ACYP2: variants seen among roughly 807,000 people sequenced by gnomAD.
The protein encoded by ACYP2 is acylphosphatase 2.
A neutral mutation model predicts 11.2 loss-of-function variants in ACYP2; 12 were observed. The ratio of observed to expected loss-of-function variants is 1.08; its 90% CI spans 0.69 to 1.74. ACYP2 has a LOEUF of 1.74. Among genes scored for constraint, ACYP2 ranks in the 40% most tolerant of loss-of-function variants. The pLI, the probability that ACYP2 is intolerant of heterozygous loss-of-function variation, is 0.00. For missense variants in ACYP2, 134 were observed against 101.9 expected, an observed-to-expected ratio of 1.31 and a Z score of -1.35; for synonymous variants, 43 against 32.2, an observed-to-expected ratio of 1.33 and a Z score of -1.13.
At chr2:54,246,859 A>G (rs1159643523) in intron 6 of ACYP2, among the ~76,000 whole-genome samples, 2 of 152,184 alleles carry the variant, frequency 1.3e-5, no homozygotes, top group African/African-American at 4.8e-5. Flanking sequence ...TCAAGTTAAG[A>G]AGGTATCCAC....
At chr2:54,154,531 C>G (rs1406195558) in intron 6 of ACYP2, among the ~76,000 whole-genome samples, 2 of 152,150 alleles carry the variant, frequency 1.3e-5, no homozygotes, top group Non-Finnish European at 2.9e-5. Context: ...ATGTGGTGAT[C>G]ATATAGTATT....
At chr2:54,180,776 G>C (rs573215260) in intron 6 of ACYP2, among the ~76,000 whole-genome samples, 1 of 152,126 alleles carries the variant, frequency 6.6e-6, no homozygotes, top group East Asian at 1.9e-4. Context: ...GGTCTGTCTC[G>C]AACTCCTGAG....
chr2:54,195,920 C>T (rs190279713), intron 6 of ACYP2, among the ~76,000 whole-genome samples: 3 of 151,034 alleles, frequency 2.0e-5, no homozygotes, highest in Admixed American at 6.6e-5. Flanking sequence ...GCCTCAGCCT[C>T]CTGAGTAGCT....
At chr2:54,106,642 G>A (rs1161317477) in intron 4 of ACYP2, among the ~76,000 whole-genome samples, 1 of 152,174 alleles carries the variant, frequency 6.6e-6, no homozygotes, top group Non-Finnish European at 1.5e-5. Flanking sequence ...AGGCTACAAT[G>A]GCATGATCTC....
intron 4 of ACYP2, chr2:54,123,137 A>G (rs1482502383): frequency 5.2e-6 from 2 of 382,002 alleles, no homozygotes; most frequent in African/African-American, 2.1e-5. Flanking sequence ...GAGTCACTGC[A>G]TGTCCCTGTG....
Position 54,138,704 on chromosome 2 carries a change from C to T in ACYP2, c.360C>T (p.Thr120=), listed in dbSNP as rs201811417. 59 of 1,613,854 alleles carry T rather than the reference C, an allele frequency of 3.7e-5. No individual in the cohort carries two copies. Among genetic ancestry groups the T allele is most frequent in the South Asian group, 2.4e-4 (22 of 91,082 alleles). Reference sequence around the variant, plus strand: ...GGGTGAAGAATACCAGCAAAGGCACCGTGACAGGCCAAGTGCAGGGGCCAG... The same window carrying T: ...GGGTGAAGAATACCAGCAAAGGCACTGTGACAGGCCAAGTGCAGGGGCCAG... Residue 120 remains threonine (T), a synonymous_variant, in exon 6 of 7, where the codon ACC becomes ACT. Transcript: ENST00000607452.
At chr2:54,089,393 C>T (rs1158809344) in intron 4 of ACYP2, among the ~76,000 whole-genome samples, 3 of 148,490 alleles carry the variant, frequency 2.0e-5, no homozygotes, top group African/African-American at 7.4e-5. Context: ...GCCAGAAGTT[C>T]AGATATATAT....
chr2:53,973,697 C>A lies in ACYP2; in HGVS notation c.-36-16C>A. The A allele has an allele frequency of 3.7e-6, 1 of 272,416 alleles. No individual in the cohort carries two copies. The allele number at this position is 272,416 out of a possible 1,614,324, so 16.9% of individuals were successfully genotyped here. ...CTAATGGTAATCCCAACACCCTTTG[C>A]TGACTCCTTTTTCAGACTCAGCCTG... On this transcript the variant is annotated splice_polypyrimidine_tract_variant and intron_variant, in intron 1 of 6. Transcript: ENST00000607452.
chr2:54,234,097 C>G (rs573563322), intron 6 of ACYP2, among the ~76,000 whole-genome samples: 5 of 152,082 alleles, frequency 3.3e-5, no homozygotes, highest in Non-Finnish European at 5.9e-5. Flanking sequence ...AATGATTTTC[C>G]CGTTGAAACT....
intron 2 of ACYP2, among the ~76,000 whole-genome samples, chr2:54,003,614 A>G (rs1474843375): frequency 6.6e-6 from 1 of 152,182 alleles, no homozygotes; most frequent in East Asian, 1.9e-4. Flanking sequence ...GATGTACCAC[A>G]GTTTATATAT....
chr2:54,023,857 C>A (rs1454196433), intron 2 of ACYP2, among the ~76,000 whole-genome samples: 2 of 152,112 alleles, frequency 1.3e-5, no homozygotes, highest in South Asian at 2.1e-4. Flanking sequence ...CAGCTGAATT[C>A]TACCAGACAT....
chr2:54,275,965 T>C (rs843749), intron 6 of ACYP2, among the ~76,000 whole-genome samples: 104,506 of 152,046 alleles, frequency 0.69, 36,399 homozygotes, highest in African/African-American at 0.78. Flanking sequence ...TTTATATTTA[T>C]ATTTATATGT....
At chr2:54,243,592 T>G (rs1686823301) in intron 6 of ACYP2, among the ~76,000 whole-genome samples, 1 of 152,148 alleles carries the variant, frequency 6.6e-6, no homozygotes. Context: ...CCTCCCAGGT[T>G]CAAGTGATTC....
chr2:54,176,020 G>C (rs1683445144), intron 6 of ACYP2, among the ~76,000 whole-genome samples: 1 of 152,134 alleles, frequency 6.6e-6, no homozygotes, highest in Non-Finnish European at 1.5e-5. Flanking sequence ...CCATCCATGA[G>C]GAACAGGCCC....
chr2:54,170,202 G>A (rs906924216), intron 6 of ACYP2, among the ~76,000 whole-genome samples: 1 of 152,130 alleles, frequency 6.6e-6, no homozygotes, highest in African/African-American at 2.4e-5. Flanking sequence ...GCCCAGGCTG[G>A]TGTGCAGTGG....
intron 4 of ACYP2, among the ~76,000 whole-genome samples, chr2:54,069,974 G>A (rs1404368181): frequency 6.6e-6 from 1 of 152,044 alleles, no homozygotes; most frequent in Non-Finnish European, 1.5e-5. Flanking sequence ...TACTTCTTAA[G>A]AAAAAATACA....
Position 54,137,137 on chromosome 2 carries a change from T to G in ACYP2, c.295-1502T>G, listed in dbSNP as rs138191178. The stretch of plus-strand genomic sequence containing the variant: ...AGACTATTAATAATAATAGGAGAGA[T>G]AAATCTACCCATAGACAATTATAAC... On this transcript the variant is annotated intron_variant, in intron 5 of 6. Transcript: ENST00000607452. Among the ~76,000 whole-genome samples, 400 of 152,072 alleles carry G rather than the reference T, an allele frequency of 2.6e-3. 1 individual carries two copies. Among genetic ancestry groups the G allele is most frequent in the African/African-American group, 9.0e-3 (373 of 41,380 alleles).
chr2:54,297,504 C>CA (rs1332082472), intron 6 of ACYP2, among the ~76,000 whole-genome samples: 1 of 151,704 alleles, frequency 6.6e-6, no homozygotes, highest in Non-Finnish European at 1.5e-5. Context: ...ATCTCAACAA[C>CA]AAAAAATGAA....
At chr2:54,022,744 C>T (rs1338243809) in intron 2 of ACYP2, among the ~76,000 whole-genome samples, 1 of 152,150 alleles carries the variant, frequency 6.6e-6, no homozygotes, top group Non-Finnish European at 1.5e-5. Flanking sequence ...ACTCTCTGAC[C>T]ATTCACTGAA....
Sources: allele counts gnomAD v4.1 joint callset (sites outside exome capture counted in the v4.1 genomes callset), GRCh38; gene constraint gnomAD v4.1.1; transcripts MANE v1.5; gene names NCBI Gene and HGNC (gene_info 2026-07-23, HGNC 2026-07-21).